IMMP2L: variants seen among roughly 807,000 people sequenced by gnomAD.
IMMP2L encodes inner mitochondrial membrane peptidase subunit 2.
In IMMP2L, 18 loss-of-function variants were observed where a neutral mutation model predicts 19.3. That is an observed-to-expected ratio of 0.93 (90% CI 0.64 to 1.38). The LOEUF (loss-of-function observed/expected upper bound fraction) is 1.38. IMMP2L is among the 40% of genes most tolerant of loss of function. IMMP2L has a pLI of 0.00. For synonymous variants in IMMP2L, 76 were observed against 73.0 expected (o/e 1.04, Z -0.21); for missense variants, 233 against 218.2 (o/e 1.07, Z -0.43).
intron 3 of IMMP2L, among the ~76,000 whole-genome samples, chr7:111,079,156 C>G (rs1259253663): frequency 1.3e-5 from 2 of 148,702 alleles, no homozygotes; most frequent in Non-Finnish European, 1.5e-5. Flanking sequence ...CTCGCTCTGT[C>G]GCCCAGGCTG....
chr7:111,179,254 G>C (rs1272264621), intron 3 of IMMP2L, among the ~76,000 whole-genome samples: 1 of 151,998 alleles, frequency 6.6e-6, no homozygotes, highest in Non-Finnish European at 1.5e-5. Flanking sequence ...AAAATATTTA[G>C]TAAACCATGC....
intron 5 of IMMP2L, among the ~76,000 whole-genome samples, chr7:110,861,922 C>T (rs1043410246): frequency 6.6e-6 from 1 of 151,960 alleles, no homozygotes; most frequent in Non-Finnish European, 1.5e-5. Flanking sequence ...TATGGGAAAA[C>T]ATATTAATTC....
intron 3 of IMMP2L, among the ~76,000 whole-genome samples, chr7:111,397,411 G>T (rs577427511): frequency 1.3e-5 from 2 of 152,004 alleles, no homozygotes; most frequent in African/African-American, 4.8e-5. Context: ...ATGCAGTAGC[G>T]AACATCCCTT....
At chr7:111,445,375 C>T (rs1371482458) in intron 3 of IMMP2L, among the ~76,000 whole-genome samples, 1 of 151,858 alleles carries the variant, frequency 6.6e-6, no homozygotes, top group Non-Finnish European at 1.5e-5. Context: ...CAATTTATTC[C>T]CCCTTTCCTA....
At chr7:111,433,414 CACGG>C (rs1836833382) in intron 3 of IMMP2L, among the ~76,000 whole-genome samples, 2 of 151,770 alleles carry the variant, frequency 1.3e-5, no homozygotes, top group Admixed American at 1.3e-4. Context: ...TCCCATCTTA[CACGG>C]ATGGCAGCAG....
At chr7:110,951,222 A>G (rs1817803523) in intron 4 of IMMP2L, among the ~76,000 whole-genome samples, 1 of 152,034 alleles carries the variant, frequency 6.6e-6, no homozygotes, top group South Asian at 2.1e-4. Context: ...ATAGTAAACA[A>G]TACTGTATTG....
chr7:111,212,450 A>C (rs1435431455), intron 3 of IMMP2L, among the ~76,000 whole-genome samples: 1 of 152,080 alleles, frequency 6.6e-6, no homozygotes, highest in Non-Finnish European at 1.5e-5. Flanking sequence ...CTCTACAAAA[A>C]ACACACAAAA....
intron 3 of IMMP2L, among the ~76,000 whole-genome samples, chr7:111,214,154 T>C (rs1485609571): frequency 6.6e-6 from 1 of 152,086 alleles, no homozygotes; most frequent in Non-Finnish European, 1.5e-5. Context: ...AAGGGTATCT[T>C]CTCTTGCTTA....
chr7:111,000,582 G>A (rs997952332), intron 3 of IMMP2L, among the ~76,000 whole-genome samples: 2 of 152,130 alleles, frequency 1.3e-5, no homozygotes, highest in African/African-American at 4.8e-5. Context: ...AGTGGCTCAC[G>A]CCTGTAATCC....
intron 3 of IMMP2L, among the ~76,000 whole-genome samples, chr7:111,183,430 T>A (rs1188015798): frequency 6.6e-6 from 1 of 152,096 alleles, no homozygotes; most frequent in Non-Finnish European, 1.5e-5. Context: ...ATTGGCAAGC[T>A]CAGTAAGGAA....
chr7:110,993,837 T>C (rs76652778), intron 3 of IMMP2L, among the ~76,000 whole-genome samples: 13,141 of 152,054 alleles, frequency 0.086, 815 homozygotes, highest in East Asian at 0.19. Context: ...CCCATCGCTC[T>C]TGATGAACAC....
intron 3 of IMMP2L, among the ~76,000 whole-genome samples, chr7:111,218,099 C>A (rs1268443361): frequency 2.6e-5 from 4 of 151,160 alleles, no homozygotes; most frequent in Admixed American, 2.0e-4. Context: ...ATAATAAAAT[C>A]TTCTCTCTTT....
intron 3 of IMMP2L, among the ~76,000 whole-genome samples, chr7:111,317,886 G>A (rs1028742187): frequency 2.6e-5 from 4 of 151,994 alleles, no homozygotes; most frequent in African/African-American, 7.2e-5. Flanking sequence ...TCCAGGAAAG[G>A]TTCAATAAAA....
At chr7:111,445,414 A>ATACG (rs1838240186) in intron 3 of IMMP2L, among the ~76,000 whole-genome samples, 2 of 151,462 alleles carry the variant, frequency 1.3e-5, no homozygotes, top group South Asian at 4.2e-4. Context: ...AGACACAAAC[A>ATACG]TACATACATA....
intron 2 of IMMP2L, among the ~76,000 whole-genome samples, chr7:111,516,651 T>A (rs747691270): frequency 2.6e-5 from 4 of 152,068 alleles, no homozygotes; most frequent in Non-Finnish European, 4.4e-5. Flanking sequence ...AATTTATCAC[T>A]CACCAACTGT....
At chr7:111,022,992 C>A (rs1826443209) in intron 3 of IMMP2L, among the ~76,000 whole-genome samples, 1 of 152,208 alleles carries the variant, frequency 6.6e-6, no homozygotes, top group Non-Finnish European at 1.5e-5. Context: ...TTCACCTTTG[C>A]AGCTCTCTAC....
At chr7:110,683,968 C>T (rs1365309937) in intron 5 of IMMP2L, among the ~76,000 whole-genome samples, 1 of 152,084 alleles carries the variant, frequency 6.6e-6, no homozygotes, top group Non-Finnish European at 1.5e-5. Context: ...AAGGCCATGG[C>T]TGGGATGCTT....
intron 3 of IMMP2L, among the ~76,000 whole-genome samples, chr7:111,249,089 C>T (rs1436924523): frequency 1.6e-5 from 1 of 62,062 alleles, no homozygotes; most frequent in Non-Finnish European, 3.0e-5. Context: ...CCTAAGCAAG[C>T]CTGGGCAATG....
intron 5 of IMMP2L, among the ~76,000 whole-genome samples, chr7:110,840,099 C>A (rs553532446): frequency 9.9e-5 from 15 of 152,096 alleles, no homozygotes; most frequent in Non-Finnish European, 2.2e-4. Flanking sequence ...TGGCAGAAGT[C>A]CAGGTTCCTT....
Sources: gnomAD v4.1 joint callset for allele counts (sites outside exome capture counted in the v4.1 genomes callset) on GRCh38, gnomAD v4.1.1 for gene constraint, MANE v1.5 for transcripts, NCBI Gene and HGNC (gene_info 2026-07-23, HGNC 2026-07-21) for gene names.